CAMSAP2: variants seen among roughly 807,000 people sequenced by gnomAD.
The protein encoded by CAMSAP2 is calmodulin regulated spectrin associated protein family member 2.
In CAMSAP2, 26 loss-of-function variants were observed where a neutral mutation model predicts 146.1. That is an observed-to-expected ratio of 0.18 (90% confidence interval 0.13 to 0.25). CAMSAP2 has a LOEUF of 0.25. Among genes scored for constraint, CAMSAP2 ranks in the 10% least tolerant of loss-of-function variants. The probability of loss-of-function intolerance (pLI) is 1.00; values close to 1 mark genes in which losing one functional copy is unlikely to be tolerated. For synonymous variants in CAMSAP2, 499 were observed against 596.6 expected, an observed-to-expected ratio of 0.84 and a Z score of 2.38; for missense variants, 1,381 against 1,759.3, an observed-to-expected ratio of 0.78 and a Z score of 3.85.
rs765639730 is a variant in CAMSAP2 at position 200,844,845 on chromosome 1, A to G, written c.1085A>G (p.Asp362Gly). Reference protein sequence around the residue: ...VLNAAKRNVLDSSSDFPSSGE... With the variant: ...VLNAAKRNVLGSSSDFPSSGE... ...AATGCTGCCAAAAGAAATGTCTTAG[A>G]TAGTAGTTCTGACTTCCCTTCAAGG... The change falls in exon 8 of 17, where the codon GAT (aspartate) becomes GGT (glycine). Residue 362 changes from aspartate to glycine, a missense_variant. By Grantham distance (94) the Asp-to-Gly change is moderately conservative. Transcript: ENST00000358823. 1.0e-5 allele frequency: 16 copies of G among 1,591,522 alleles called. No individual in the cohort carries two copies. The East Asian group carries it at 3.2e-4, about 32-fold the overall frequency.
At chr1:200,748,417 T>C (rs1168245908) in intron 1 of CAMSAP2, among the ~76,000 whole-genome samples, 1 of 152,260 alleles carries the variant, frequency 6.6e-6, no homozygotes, top group Non-Finnish European at 1.5e-5. Context: ...TTTCTGATTG[T>C]CTCATAAATG....
At chr1:200,761,849 C>T (rs1284371681) in intron 2 of CAMSAP2, among the ~76,000 whole-genome samples, 1 of 152,156 alleles carries the variant, frequency 6.6e-6, no homozygotes, top group African/African-American at 2.4e-5. Context: ...AGACAACACA[C>T]ACAGAAGGCC....
At chr1:200,762,965 T>A (rs138842962) in intron 2 of CAMSAP2, among the ~76,000 whole-genome samples, 2 of 152,204 alleles carry the variant, frequency 1.3e-5, no homozygotes, top group East Asian at 3.9e-4. Flanking sequence ...AGTGGTGCGA[T>A]CTTGGCTCAC....
chr1:200,803,611 TAA>T (rs1666092026), intron 2 of CAMSAP2, among the ~76,000 whole-genome samples: 2 of 151,130 alleles, frequency 1.3e-5, no homozygotes, highest in Non-Finnish European at 3.0e-5. Context: ...ATTGTAAAGT[TAA>T]GAAGTAAAAA....
rs547046179 is a variant in CAMSAP2 at position 200,816,777 on chromosome 1, T to A, written c.645+1133T>A. 2.7e-3 allele frequency among the ~76,000 whole-genome samples: 303 copies of A among 111,656 alleles called. 59 individuals are homozygous for A. The highest frequency in any genetic ancestry group is 0.01 in the East Asian group (38 of 3,668). 73.3% of individuals were successfully genotyped at this position (111,656 alleles called of 152,430 possible). A position where few individuals can be genotyped will look rare whatever the true frequency, so the allele number is the denominator to read the frequency against. ...ATATATGTGTGTACACACACACGCG[T>A]GTATATATGTGTGTACACACACACG... is the stretch of plus-strand genomic sequence containing the variant. On this transcript the variant is annotated intron_variant, in intron 4 of 16. Transcript: ENST00000358823.
chr1:200,804,147 C>T (rs1252544307), intron 2 of CAMSAP2, among the ~76,000 whole-genome samples: 3 of 151,954 alleles, frequency 2.0e-5, no homozygotes, highest in Non-Finnish European at 4.4e-5. Context: ...AGGATGGTCT[C>T]GATCTCCTGA....
At position 200,751,190 on chromosome 1, in the gene CAMSAP2, G is replaced by A. The variant is rs142099355; in HGVS notation, c.140-9649G>A. On this transcript the variant is annotated intron_variant, in intron 1 of 16. Transcript: ENST00000358823. ...AGTGCTGGGATTATAGGCATGAGCCGCCATACCCAGCAATGTATATATAAC... is the reference window on the plus strand; with the variant it reads ...AGTGCTGGGATTATAGGCATGAGCCACCATACCCAGCAATGTATATATAAC... 2.3e-3 allele frequency among the ~76,000 whole-genome samples: 352 copies of A among 151,552 alleles called. 1 individual carries two copies. Among genetic ancestry groups the A allele is most frequent in the African/African-American group, 7.9e-3 (327 of 41,314 alleles).
intron 2 of CAMSAP2, among the ~76,000 whole-genome samples, chr1:200,789,754 C>T (rs962727684): frequency 2.6e-5 from 4 of 152,144 alleles, no homozygotes; most frequent in South Asian, 2.1e-4. Context: ...TGGGAAAAAC[C>T]GGTATCTTGA....
intron 15 of CAMSAP2, 36 bp downstream of exon 15, chr1:200,856,161 T>G (rs764544594): frequency 1.4e-6 from 2 of 1,449,928 alleles, no homozygotes; most frequent in East Asian, 4.6e-5. Context: ...AACATTTGAA[T>G]TTAACACACT....
At chr1:200,818,535 C>A (rs1172254547) in intron 4 of CAMSAP2, among the ~76,000 whole-genome samples, 1 of 151,994 alleles carries the variant, frequency 6.6e-6, no homozygotes, top group East Asian at 1.9e-4. Context: ...GAATTTTATC[C>A]TTTTCCCCCC....
At chr1:200,797,380 G>T (rs1417218235) in intron 2 of CAMSAP2, among the ~76,000 whole-genome samples, 2 of 151,424 alleles carry the variant, frequency 1.3e-5, no homozygotes, top group Non-Finnish European at 2.9e-5. Flanking sequence ...GTGTGAGATG[G>T]TATCTCATTG....
chr1:200,743,461 G>T (rs542918421), intron 1 of CAMSAP2, among the ~76,000 whole-genome samples: 2 of 152,254 alleles, frequency 1.3e-5, no homozygotes, highest in South Asian at 4.1e-4. Flanking sequence ...TGAGAGCAGT[G>T]GGTAGCATTG....
rs922187731 is a variant in CAMSAP2, at chr1:200,748,941, G to T, written c.139+8975G>T. ...TGTGGGAAATTACCTTGATCCAATG[G>T]TAGCCTCTAAGTGCGTGCCATACAA... On this transcript the variant is annotated intron_variant, in intron 1 of 16. Transcript: ENST00000358823. Among the ~76,000 whole-genome samples, 6 of 152,082 alleles carry T rather than the reference G, an allele frequency of 3.9e-5. No individual in the cohort carries two copies. The South Asian group carries it at 1.2e-3, about 32-fold the overall frequency.
intron 4 of CAMSAP2, among the ~76,000 whole-genome samples, chr1:200,826,275 T>C (rs769814557): frequency 6.6e-6 from 1 of 151,718 alleles, no homozygotes; most frequent in African/African-American, 2.4e-5. Context: ...TACCAAAAAA[T>C]ACAAAAATTA....
intron 3 of CAMSAP2, among the ~76,000 whole-genome samples, chr1:200,814,609 C>CA (rs1204730822): frequency 2.5e-3 from 61 of 24,084 alleles, no homozygotes; most frequent in African/African-American, 8.0e-3. Flanking sequence ...GATTGCATCC[C>CA]AAAAAAAAAA....
At chr1:200,774,631 T>C (rs1028847782) in intron 2 of CAMSAP2, among the ~76,000 whole-genome samples, 1 of 152,202 alleles carries the variant, frequency 6.6e-6, no homozygotes, top group Admixed American at 6.5e-5. Flanking sequence ...TTATTATAGT[T>C]AGAGTGGCTA....
chr1:200,765,133 C>T (rs1019219239), intron 2 of CAMSAP2, among the ~76,000 whole-genome samples: 5 of 151,938 alleles, frequency 3.3e-5, no homozygotes, highest in African/African-American at 1.2e-4. Flanking sequence ...AAAAACTCAA[C>T]GTAACTTCTC....
intron 1 of CAMSAP2, among the ~76,000 whole-genome samples, chr1:200,745,040 T>C (rs1362588798): frequency 1.3e-5 from 2 of 152,216 alleles, no homozygotes; most frequent in African/African-American, 4.8e-5. Context: ...CTCATTATTC[T>C]TGTAAGCGTT....
intron 2 of CAMSAP2, among the ~76,000 whole-genome samples, chr1:200,786,601 C>T (rs1665600292): frequency 6.6e-6 from 1 of 152,156 alleles, no homozygotes; most frequent in African/African-American, 2.4e-5. Context: ...CCAGGCTGGT[C>T]TGGAACTCGA....
Sources: allele counts gnomAD v4.1 joint callset (sites outside exome capture counted in the v4.1 genomes callset), GRCh38; gene constraint gnomAD v4.1.1; transcripts MANE v1.5; gene names NCBI Gene and HGNC (gene_info 2026-07-23, HGNC 2026-07-21).